RANBP2: variants seen among roughly 807,000 people sequenced by gnomAD.
The protein encoded by RANBP2 is RAN binding protein 2.
RANBP2 carries 57 observed loss-of-function variants against 303.6 expected under a neutral mutation model. That is an observed-to-expected ratio of 0.19 (90% CI 0.15 to 0.23). RANBP2 has a LOEUF of 0.23. RANBP2 is among the 10% of genes least tolerant of loss of function. RANBP2 has a pLI of 1.00. For synonymous variants in RANBP2, 1,167 were observed against 1,301.5 expected (o/e 0.90, Z 2.23); for missense variants, 3,138 against 3,780.8 (o/e 0.83, Z 4.46).
chr2:109,629,649 A>G, the RANBP2 span, among the ~76,000 whole-genome samples: 4 of 151,692 alleles, frequency 2.6e-5, no homozygotes, highest in Non-Finnish European at 4.4e-5. Context: ...CGTCTCTACT[A>G]AAAATACAAA....
chr2:108,812,921 T>C, the RANBP2 span: 3 of 1,613,342 alleles, frequency 1.9e-6, no homozygotes, highest in Non-Finnish European at 2.5e-6. Context: ...TTTCAAAAAC[T>C]TACAAGGTAA....
At chr2:108,942,874 T>G in the RANBP2 span, among the ~76,000 whole-genome samples, 1 of 152,138 alleles carries the variant, frequency 6.6e-6, no homozygotes, top group Non-Finnish European at 1.5e-5. Context: ...CGGGTAGGAT[T>G]TTTGTTTGTT....
chr2:109,220,736 G>GA, the RANBP2 span, among the ~76,000 whole-genome samples: 56,206 of 151,990 alleles, frequency 0.37, 11,736 homozygotes, highest in East Asian at 0.8. Flanking sequence ...CCACCTGTTA[G>GA]AAGGGGCATT....
chr2:109,623,067 C>T, the RANBP2 span, among the ~76,000 whole-genome samples: 1 of 152,188 alleles, frequency 6.6e-6, no homozygotes, highest in Admixed American at 6.5e-5. Flanking sequence ...GCAGAGCTTG[C>T]ACTGAGCTGA....
chr2:109,089,434 T>A, the RANBP2 span, among the ~76,000 whole-genome samples: 2 of 150,642 alleles, frequency 1.3e-5, no homozygotes, highest in East Asian at 2.0e-4. Flanking sequence ...GAGACCCCCA[T>A]CTCTATTTAA....
chr2:109,368,420 G>A, the RANBP2 span, among the ~76,000 whole-genome samples: 1 of 152,202 alleles, frequency 6.6e-6, no homozygotes, highest in Middle Eastern at 3.4e-3. Flanking sequence ...ATATACAGTG[G>A]ATTAGAGAAC....
At chr2:108,774,232 T>G (rs944906581) in intron 23 of RANBP2, among the ~76,000 whole-genome samples, 2 of 152,256 alleles carry the variant, frequency 1.3e-5, no homozygotes, top group African/African-American at 4.8e-5. Flanking sequence ...ATAAATCTTG[T>G]TATAAATTTT....
the RANBP2 span, among the ~76,000 whole-genome samples, chr2:109,510,983 A>G: frequency 1.3e-5 from 2 of 152,194 alleles, no homozygotes; most frequent in African/African-American, 4.8e-5. Context: ...CCCCATGCTT[A>G]GCACTCTACA....
the RANBP2 span, among the ~76,000 whole-genome samples, chr2:109,218,002 C>T: frequency 4.6e-5 from 7 of 152,234 alleles, no homozygotes; most frequent in African/African-American, 1.4e-4. Context: ...TGTGCGGACT[C>T]GAGTTTGCTT....
At chr2:109,522,893 G>C in the RANBP2 span, among the ~76,000 whole-genome samples, 2 of 152,226 alleles carry the variant, frequency 1.3e-5, no homozygotes, top group Non-Finnish European at 2.9e-5. Context: ...AGAGAAGAGT[G>C]CTTCAAAATA....
chr2:108,927,453 C>T, the RANBP2 span, among the ~76,000 whole-genome samples: 2 of 152,338 alleles, frequency 1.3e-5, no homozygotes, highest in South Asian at 2.1e-4. Context: ...TTAGTAATTA[C>T]ACACTTTCTG....
chr2:109,108,070 C>G, the RANBP2 span, among the ~76,000 whole-genome samples: 3 of 152,184 alleles, frequency 2.0e-5, no homozygotes, highest in African/African-American at 4.8e-5. Context: ...CACGCCCGGC[C>G]AGTTTTTTGT....
the RANBP2 span, among the ~76,000 whole-genome samples, chr2:109,494,107 C>A: frequency 1.3e-5 from 2 of 151,996 alleles, no homozygotes; most frequent in Non-Finnish European, 2.9e-5. Context: ...CCCCTAGGAT[C>A]CTTCTTCCCC....
chr2:109,227,353 AGTCCTGGTTCTCAGGTCCTTAGGG>A, the RANBP2 span, among the ~76,000 whole-genome samples: 2 of 152,196 alleles, frequency 1.3e-5, no homozygotes, highest in Non-Finnish European at 2.9e-5. Flanking sequence ...GGACTTCTCA[AGTCCTGGTTCTCAGGTCCTTAGGG>A]GTCCTGGTTC....
the RANBP2 span, among the ~76,000 whole-genome samples, chr2:109,454,309 G>T: frequency 0.013 from 1,959 of 152,290 alleles, 51 homozygotes; most frequent in African/African-American, 0.042. Flanking sequence ...AAGCGCCTCA[G>T]CTGGGCATGG....
the RANBP2 span, among the ~76,000 whole-genome samples, chr2:109,472,053 A>G: frequency 6.6e-6 from 1 of 152,202 alleles, no homozygotes; most frequent in South Asian, 2.1e-4. Context: ...CTGGATTCTG[A>G]CATCTCAGCT....
At chr2:109,617,451 C>T in the RANBP2 span, 1 of 167,040 alleles carries the variant, frequency 6.0e-6, no homozygotes, top group Non-Finnish European at 1.5e-5. Flanking sequence ...TTCATAACTA[C>T]TTTAAAATTT....
At chr2:109,087,173 T>C in the RANBP2 span, among the ~76,000 whole-genome samples, 1 of 152,154 alleles carries the variant, frequency 6.6e-6, no homozygotes, top group Non-Finnish European at 1.5e-5. Flanking sequence ...AAGGCTCTGG[T>C]CAGGGCCATG....
At chr2:109,010,472 A>G in the RANBP2 span, among the ~76,000 whole-genome samples, 2 of 152,130 alleles carry the variant, frequency 1.3e-5, no homozygotes, top group South Asian at 4.1e-4. Context: ...ATAAAATACG[A>G]CGGACAGAGT....
Sources: gnomAD v4.1 joint callset for allele counts (sites outside exome capture counted in the v4.1 genomes callset) on GRCh38, gnomAD v4.1.1 for gene constraint, MANE v1.5 for transcripts, NCBI Gene and HGNC (gene_info 2026-07-23, HGNC 2026-07-21) for gene names.